The following SLX4IP variants were observed in gnomAD, a reference collection of about 807,000 sequenced individuals.
SLX4IP encodes the protein protein SLX4IP.
Under a neutral mutation model 32.9 loss-of-function variants are expected in SLX4IP, and 34 were observed. The ratio of observed to expected loss-of-function variants is 1.03; its 90% CI spans 0.79 to 1.38. The LOEUF (loss-of-function observed/expected upper bound fraction) is 1.38, where lower values mean the gene tolerates loss of function less well. SLX4IP is among the 40% of genes most tolerant of loss of function. The pLI is 0.00. For missense variants in SLX4IP, 444 were observed against 479.0 expected, an observed-to-expected ratio of 0.93 and a Z score of 0.68; for synonymous variants, 172 against 171.7, an observed-to-expected ratio of 1.00 and a Z score of -0.01.
Position 10,467,159 on chromosome 20 carries a change from T to A in SLX4IP, c.27+8928T>A, listed in dbSNP as rs184896560. 4.7e-3 allele frequency among the ~76,000 whole-genome samples: 717 copies of A among 152,346 alleles called. 15 individuals carry two copies. The South Asian group carries it at 0.069, about 15-fold the overall frequency. On this transcript the variant is annotated intron_variant, in intron 2 of 7. Transcript: ENST00000334534. ...ACTTAAATCCTGTGTCCTAGGTTTT[T>A]TCGTCTACTTAAATGGGAACGTGGT...
At chr20:10,556,790 G>A (rs1016785603) in intron 3 of SLX4IP, among the ~76,000 whole-genome samples, 1 of 152,302 alleles carries the variant, frequency 6.6e-6, no homozygotes, top group South Asian at 2.1e-4. Context: ...TGACAAGTCA[G>A]GAAATACTTG....
intron 2 of SLX4IP, among the ~76,000 whole-genome samples, chr20:10,551,659 A>C (rs2066219225): frequency 6.6e-6 from 1 of 152,184 alleles, no homozygotes; most frequent in African/African-American, 2.4e-5. Flanking sequence ...TCACATGAAG[A>C]ATGGGCTGGT....
chr20:10,449,064 T>A lies in SLX4IP; in HGVS notation c.-29-9112T>A, dbSNP rs77250983. Among the ~76,000 whole-genome samples, 379 of 152,308 alleles carry A rather than the reference T, an allele frequency of 2.5e-3. 1 individual carries two copies. Among genetic ancestry groups the A allele is most frequent in the Admixed American group, 4.2e-3 (65 of 15,302 alleles). On this transcript the variant is annotated intron_variant, in intron 1 of 7. Transcript: ENST00000334534. ...TTACCATATTTGGAACTTAGCAGATTGGCTCAGTTCATTTCAGATTTCAAT... is the reference window on the plus strand; with the variant it reads ...TTACCATATTTGGAACTTAGCAGATAGGCTCAGTTCATTTCAGATTTCAAT...
intron 2 of SLX4IP, among the ~76,000 whole-genome samples, chr20:10,483,247 G>T (rs2065540860): frequency 6.6e-6 from 1 of 152,156 alleles, no homozygotes; most frequent in African/African-American, 2.4e-5. Flanking sequence ...AGCCTCATGA[G>T]TAGGTGGGAT....
At chr20:10,520,188 C>T (rs1409447186) in intron 2 of SLX4IP, among the ~76,000 whole-genome samples, 1 of 151,954 alleles carries the variant, frequency 6.6e-6, no homozygotes, top group Non-Finnish European at 1.5e-5. Context: ...GTAGCTGGGA[C>T]TACAGGCGCC....
chr20:10,536,700 A>G (rs77673532), intron 2 of SLX4IP, among the ~76,000 whole-genome samples: 4,426 of 152,340 alleles, frequency 0.029, 111 homozygotes, highest in Admixed American at 0.09. Context: ...AAGGAAGGAA[A>G]ACTCAAGCTC....
chr20:10,437,476 T>C (rs368264214), intron 1 of SLX4IP, among the ~76,000 whole-genome samples: 1 of 152,208 alleles, frequency 6.6e-6, no homozygotes, highest in South Asian at 2.1e-4. Flanking sequence ...CGTTTTATGT[T>C]GCTATGTTAG....
rs879678951 is a variant in SLX4IP at position 10,443,222 on chromosome 20, A to AAAAAAC, written c.-30+7787_-30+7792dup. On this transcript the variant is annotated intron_variant, in intron 1 of 7. Coordinates refer to ENST00000334534, the MANE Select transcript of SLX4IP (RefSeq NM_001009608.3). ...TTGGATAAATAGGTATAAATCTAAA[A>AAAAAAC]AAAAACAAAAACAAAAACAAAAAAC... Among the ~76,000 whole-genome samples the AAAAAAC allele has an allele frequency of 5.3e-5, 8 of 152,314 alleles. No individual in the cohort carries two copies. In the East Asian group the frequency reaches 5.8e-4, roughly 11 times the overall value.
At chr20:10,438,472 G>GTTTTT (rs35297842) in intron 1 of SLX4IP, among the ~76,000 whole-genome samples, 41 of 98,858 alleles carry the variant, frequency 4.1e-4, no homozygotes, top group African/African-American at 6.5e-4. Context: ...AGGTGTGTGT[G>GTTTTT]TTTTTTTTTT....
At chr20:10,456,406 A>G (rs771527726) in intron 1 of SLX4IP, among the ~76,000 whole-genome samples, 1 of 152,098 alleles carries the variant, frequency 6.6e-6, no homozygotes, top group Non-Finnish European at 1.5e-5. Flanking sequence ...CAGTGGCATG[A>G]TTTTGGCTCA....
At chr20:10,479,888 C>T (rs2065507493) in intron 2 of SLX4IP, among the ~76,000 whole-genome samples, 1 of 151,854 alleles carries the variant, frequency 6.6e-6, no homozygotes, top group East Asian at 2.0e-4. Context: ...CCTGTAATCC[C>T]AGCCACTCGG....
In SLX4IP at chr20:10,504,893, T is replaced by A. The variant is rs180837252; in HGVS notation, c.27+46662T>A. Among the ~76,000 whole-genome samples, 60 of 152,082 alleles carry A rather than the reference T, an allele frequency of 3.9e-4. 1 individual carries two copies. The East Asian group carries it at 0.011, about 29-fold the overall frequency. On this transcript the variant is annotated intron_variant, in intron 2 of 7. Coordinates refer to ENST00000334534, the MANE Select transcript of SLX4IP (RefSeq NM_001009608.3). ...GTTCTCATAGCAACAGGAAAACTGT[T>A]CCGACCTATAGCCACGGAAGACTCT...
chr20:10,514,425 A>G (rs2065833771), intron 2 of SLX4IP, among the ~76,000 whole-genome samples: 1 of 152,194 alleles, frequency 6.6e-6, no homozygotes, highest in Non-Finnish European at 1.5e-5. Flanking sequence ...CTTGTATTCC[A>G]CATTTTAACT....
At chr20:10,487,512 G>A (rs1256745718) in intron 2 of SLX4IP, among the ~76,000 whole-genome samples, 1 of 152,098 alleles carries the variant, frequency 6.6e-6, no homozygotes, top group Non-Finnish European at 1.5e-5. Context: ...CTAACAGTTA[G>A]GTTGCTGCAA....
At chr20:10,580,291 C>G (rs138087529) in intron 4 of SLX4IP, among the ~76,000 whole-genome samples, 168 of 152,184 alleles carry the variant, frequency 1.1e-3, no homozygotes, top group Middle Eastern at 0.01. Context: ...ATTCTGAACT[C>G]TAGGCGTCAG....
At chr20:10,436,251 C>G (rs1375146201) in intron 1 of SLX4IP, among the ~76,000 whole-genome samples, 2 of 152,038 alleles carry the variant, frequency 1.3e-5, no homozygotes, top group Non-Finnish European at 2.9e-5. Context: ...AATTACACTT[C>G]ATGACTCTCA....
chr20:10,521,754 C>T (rs2122449935), intron 2 of SLX4IP, among the ~76,000 whole-genome samples: 1 of 152,320 alleles, frequency 6.6e-6, no homozygotes, highest in South Asian at 2.1e-4. Context: ...CCACATCTCT[C>T]TTCCTTCAGA....
intron 1 of SLX4IP, among the ~76,000 whole-genome samples, chr20:10,457,701 A>G (rs781730005): frequency 6.6e-6 from 1 of 152,028 alleles, no homozygotes; most frequent in Non-Finnish European, 1.5e-5. Context: ...TATCAGGATG[A>G]TACTGGCTTC....
intron 2 of SLX4IP, among the ~76,000 whole-genome samples, chr20:10,536,327 A>T (rs537507923): frequency 4.1e-4 from 62 of 152,096 alleles, no homozygotes; most frequent in Middle Eastern, 3.4e-3. Context: ...CAGGAATTTG[A>T]GGACAGCCTG....
Sources: allele counts gnomAD v4.1 joint callset (sites outside exome capture counted in the v4.1 genomes callset), GRCh38; gene constraint gnomAD v4.1.1; transcripts MANE v1.5; gene names NCBI Gene and HGNC (gene_info 2026-07-23, HGNC 2026-07-21).